Variants in KCTD1 observed in about 807,000 individuals in gnomAD.
The protein encoded by KCTD1 is BTB/POZ domain-containing protein KCTD1.
KCTD1 carries 24 observed loss-of-function variants against 66.0 expected under a neutral mutation model. That is an observed-to-expected ratio of 0.36 (90% CI 0.26 to 0.51). The LOEUF is 0.51. Among genes scored for constraint, KCTD1 ranks in the 20% least tolerant of loss-of-function variants. The pLI is 0.95. For synonymous variants in KCTD1, 511 were observed against 517.2 expected, an observed-to-expected ratio of 0.99 and a Z score of 0.16; for missense variants, 943 against 1,205.2, an observed-to-expected ratio of 0.78 and a Z score of 3.22.
At chr18:26,509,158 T>TAA (rs71376964) in intron 1 of KCTD1, among the ~76,000 whole-genome samples, 18 of 128,498 alleles carry the variant, frequency 1.4e-4, no homozygotes, top group South Asian at 1.2e-3. Context: ...TTCACTTAAG[T>TAA]AAAAAAAAAA....
At chr18:26,527,843 A>G (rs1181676058) in intron 1 of KCTD1, among the ~76,000 whole-genome samples, 1 of 149,796 alleles carries the variant, frequency 6.7e-6, no homozygotes, top group African/African-American at 2.5e-5. Flanking sequence ...GGAAAAATAA[A>G]TAAGAGAAAA....
intron 1 of KCTD1, among the ~76,000 whole-genome samples, chr18:26,506,200 CTCT>C (rs1338704728): frequency 1.3e-5 from 2 of 152,160 alleles, no homozygotes; most frequent in Non-Finnish European, 2.9e-5. Context: ...TTATTAACAT[CTCT>C]TGAGTGCCAG....
At chr18:26,518,073 C>A (rs1292883122) in intron 1 of KCTD1, among the ~76,000 whole-genome samples, 1 of 152,136 alleles carries the variant, frequency 6.6e-6, no homozygotes, top group Non-Finnish European at 1.5e-5. Flanking sequence ...TTGCTGTACA[C>A]CCCCATCTCT....
At chr18:26,558,404 CA>C (rs1307822393) in intron 1 of KCTD1, among the ~76,000 whole-genome samples, 5 of 151,994 alleles carry the variant, frequency 3.3e-5, no homozygotes, top group Admixed American at 1.3e-4. Flanking sequence ...GGAGGTTCCT[CA>C]AAAAACTAAA....
chr18:26,543,500 C>G (rs549123555), intron 1 of KCTD1: 1 of 152,380 alleles, frequency 6.6e-6, no homozygotes, highest in South Asian at 2.1e-4. Flanking sequence ...TTCCTTGCCC[C>G]TATAGCACCT....
chr18:26,502,126 T>C (rs1392197805), intron 1 of KCTD1, among the ~76,000 whole-genome samples: 1 of 152,228 alleles, frequency 6.6e-6, no homozygotes, highest in Non-Finnish European at 1.5e-5. Context: ...CTCGGCTCAC[T>C]GCCAGCTCCG....
In KCTD1 at chr18:26,547,081, C is replaced by G. The variant is rs944527658; in HGVS notation, c.1456G>C (p.Gly486Arg). The change falls in exon 1 of 5, where the codon GGG becomes CGG. Residue 486 changes from glycine to arginine, a missense_variant. Gly to Arg is a moderately radical substitution (Grantham distance 125). Around this residue, in one of 10 missense-constraint regions of KCTD1, gnomAD observed 197 missense variants for 182.7 expected, o/e 1.08. Transcript: ENST00000580059. ...PQGCYAEALN[G>R]AARHHSHHPP... ...TGGTGGGAGTGGTGCCGTGCCGCCC[C>G]GTTCAGAGCCTCGGCGTAGCAGCCC... The G allele has an allele frequency of 1.7e-5, 26 of 1,540,072 alleles. No homozygotes were observed. Among genetic ancestry groups the G allele is most frequent in the South Asian group, 1.1e-4 (9 of 83,412 alleles).
chr18:26,635,760 A>T (rs571534013), intron 1 of KCTD1, among the ~76,000 whole-genome samples: 3 of 152,356 alleles, frequency 2.0e-5, no homozygotes, highest in East Asian at 1.9e-4. Flanking sequence ...CTAAGGAGCC[A>T]GACTAGATGC....
intron 1 of KCTD1, among the ~76,000 whole-genome samples, chr18:26,580,976 C>G (rs1986339872): frequency 1.3e-5 from 2 of 152,148 alleles, no homozygotes; most frequent in South Asian, 4.1e-4. Context: ...CCCACACAGC[C>G]TAAACTATTT....
chr18:26,573,270 G>A (rs1165484646), intron 1 of KCTD1, among the ~76,000 whole-genome samples: 1 of 152,098 alleles, frequency 6.6e-6, no homozygotes, highest in Admixed American at 6.5e-5. Flanking sequence ...GGGAGAATGA[G>A]GTGTTATTGT....
At chr18:26,462,753 A>C (rs1044228699) in intron 3 of KCTD1, among the ~76,000 whole-genome samples, 3 of 152,184 alleles carry the variant, frequency 2.0e-5, no homozygotes, top group African/African-American at 7.2e-5. Flanking sequence ...TGTCTTTAGA[A>C]ACCTTTCCTT....
At chr18:26,506,805 C>T (rs1043395900) in intron 1 of KCTD1, among the ~76,000 whole-genome samples, 2 of 152,186 alleles carry the variant, frequency 1.3e-5, no homozygotes, top group Non-Finnish European at 2.9e-5. Context: ...ATGGTCACCA[C>T]CAGCCACAAG....
intron 2 of KCTD1, among the ~76,000 whole-genome samples, chr18:26,479,985 T>C (rs888275908): frequency 4.0e-5 from 6 of 149,652 alleles, no homozygotes; most frequent in African/African-American, 1.5e-4. Flanking sequence ...AACATTCCTG[T>C]TTTCCAACTA....
upstream of KCTD1, chr18:26,549,276 A>T (rs1432629559): frequency 7.1e-6 from 7 of 984,870 alleles, no homozygotes; most frequent in African/African-American, 1.2e-4. Flanking sequence ...GCCTGGGGCC[A>T]GCCGCGCGGC....
At chr18:26,583,084 A>G (rs1986392704) in intron 1 of KCTD1, among the ~76,000 whole-genome samples, 1 of 151,496 alleles carries the variant, frequency 6.6e-6, no homozygotes, top group African/African-American at 2.4e-5. Flanking sequence ...TAAAAAAAAT[A>G]TGATGGAGAT....
At chr18:26,574,832 T>G (rs1157223028) in intron 1 of KCTD1, among the ~76,000 whole-genome samples, 1 of 152,196 alleles carries the variant, frequency 6.6e-6, no homozygotes, top group African/African-American at 2.4e-5. Context: ...CATCATTTAT[T>G]CATTCCCAGG....
At chr18:26,603,303 A>G (rs1986939097) in intron 1 of KCTD1, among the ~76,000 whole-genome samples, 1 of 151,878 alleles carries the variant, frequency 6.6e-6, no homozygotes, top group Admixed American at 6.6e-5. Context: ...ATGGTGGTAC[A>G]CGCCTCTAGT....
At chr18:26,616,704 T>C (rs912370569) in intron 1 of KCTD1, among the ~76,000 whole-genome samples, 3 of 151,688 alleles carry the variant, frequency 2.0e-5, no homozygotes, top group Admixed American at 6.6e-5. Context: ...AAAAAAAATT[T>C]GTAGAGACCA....
At chr18:26,563,347 G>A (rs1985906220) in intron 1 of KCTD1, among the ~76,000 whole-genome samples, 1 of 152,028 alleles carries the variant, frequency 6.6e-6, no homozygotes, top group Non-Finnish European at 1.5e-5. Context: ...AAACTATAAC[G>A]TACTCCCTGC....
Sources: allele counts gnomAD v4.1 joint callset (sites outside exome capture counted in the v4.1 genomes callset), GRCh38; gene constraint gnomAD v4.1.1; regional missense constraint gnomAD v4.1.1; transcripts MANE v1.5; gene names NCBI Gene and HGNC (gene_info 2026-07-23, HGNC 2026-07-21).